The following CACNA2D3 variants were observed in gnomAD, a reference collection of about 807,000 sequenced individuals.
CACNA2D3 encodes calcium voltage-gated channel auxiliary subunit alpha2delta 3, also known as voltage-dependent calcium channel subunit alpha-2/delta-3.
CACNA2D3 carries 60 observed loss-of-function variants against 160.6 expected under a neutral mutation model. That is an observed-to-expected ratio of 0.37 (90% confidence interval 0.30 to 0.46). The LOEUF (loss-of-function observed/expected upper bound fraction) is 0.46. CACNA2D3 is among the 20% of genes least tolerant of loss of function. The pLI is 1.00. For missense variants in CACNA2D3, 1,205 were observed against 1,365.0 expected (o/e 0.88, Z 1.85); for synonymous variants, 558 against 492.9 (o/e 1.13, Z -1.75).
chr3:54,815,352 A>G (rs1703424871), intron 13 of CACNA2D3, among the ~76,000 whole-genome samples: 2 of 152,110 alleles, frequency 1.3e-5, no homozygotes. Flanking sequence ...GAGATCCAAA[A>G]CATCTTGTTT....
At chr3:54,515,909 T>G (rs909705714) in intron 5 of CACNA2D3, among the ~76,000 whole-genome samples, 1 of 152,218 alleles carries the variant, frequency 6.6e-6, no homozygotes, top group Admixed American at 6.5e-5. Context: ...CAGAGAACTT[T>G]CAAGAGGACT....
rs2694117 is a variant in CACNA2D3, at chr3:54,839,656, A to G, written c.1551+1008A>G. On this transcript the variant is annotated intron_variant, in intron 16 of 37. Coordinates refer to ENST00000474759, the MANE Select transcript of CACNA2D3 (RefSeq NM_018398.3). ...CAGGAATCAGGGATTATTGGCTGCCAGGGGCTTCTTTCTTGGCACCACCCT... is the reference window on the plus strand; with the variant it reads ...CAGGAATCAGGGATTATTGGCTGCCGGGGGCTTCTTTCTTGGCACCACCCT... 2.8e-3 allele frequency among the ~76,000 whole-genome samples: 419 copies of G among 152,292 alleles called. 1 individual carries two copies. Among genetic ancestry groups the G allele is most frequent in the African/African-American group, 8.5e-3 (352 of 41,568 alleles).
At chr3:54,996,549 C>A (rs1383035815) in intron 31 of CACNA2D3, among the ~76,000 whole-genome samples, 1 of 152,276 alleles carries the variant, frequency 6.6e-6, no homozygotes, top group Middle Eastern at 3.4e-3. Context: ...TTGTTGGTCT[C>A]CCCAGGGCCA....
At chr3:54,760,236 CT>C in intron 12 of CACNA2D3, among the ~76,000 whole-genome samples, 1 of 364 alleles carries the variant, frequency 2.7e-3, no homozygotes, top group African/African-American at 0.011. Flanking sequence ...CAGGGAGGGC[CT>C]CTCTGATCTG....
chr3:54,973,404 G>T (rs982070175), intron 29 of CACNA2D3, among the ~76,000 whole-genome samples: 1 of 152,196 alleles, frequency 6.6e-6, no homozygotes, highest in Non-Finnish European at 1.5e-5. Context: ...AGGTGAGAAG[G>T]TGTCTCCTAC....
chr3:54,166,227 T>C (rs1036788490), intron 2 of CACNA2D3, among the ~76,000 whole-genome samples: 1 of 152,228 alleles, frequency 6.6e-6, no homozygotes, highest in Admixed American at 6.5e-5. Flanking sequence ...TGGGGACTTT[T>C]CTTTTCCAGC....
chr3:55,030,157 T>G (rs3773557), intron 35 of CACNA2D3, among the ~76,000 whole-genome samples: 25,510 of 152,098 alleles, frequency 0.17, 2,398 homozygotes, highest in East Asian at 0.27. Flanking sequence ...CAAGTCAAAA[T>G]AGTTCCTGTC....
intron 5 of CACNA2D3, among the ~76,000 whole-genome samples, chr3:54,553,957 G>A (rs935258683): frequency 6.6e-6 from 1 of 152,208 alleles, no homozygotes; most frequent in African/African-American, 2.4e-5. Flanking sequence ...GCTACAAAAT[G>A]CATTGTTGGC....
intron 5 of CACNA2D3, among the ~76,000 whole-genome samples, chr3:54,545,471 C>T (rs1435255174): frequency 6.6e-6 from 1 of 152,166 alleles, no homozygotes; most frequent in Non-Finnish European, 1.5e-5. Flanking sequence ...TCCCCTTTTT[C>T]ATTGTTATTT....
At chr3:54,406,491 G>A (rs1404441653) in intron 4 of CACNA2D3, among the ~76,000 whole-genome samples, 1 of 152,052 alleles carries the variant, frequency 6.6e-6, no homozygotes, top group East Asian at 1.9e-4. Context: ...AAAGGAGGAG[G>A]TCTTAACATT....
intron 2 of CACNA2D3, among the ~76,000 whole-genome samples, chr3:54,187,524 G>T (rs1289778425): frequency 6.6e-6 from 1 of 152,124 alleles, no homozygotes; most frequent in Non-Finnish European, 1.5e-5. Context: ...GCACTGTGGG[G>T]TGTGGAGGAA....
At chr3:54,722,982 A>C (rs1027577442) in intron 11 of CACNA2D3, among the ~76,000 whole-genome samples, 1 of 152,186 alleles carries the variant, frequency 6.6e-6, no homozygotes, top group Non-Finnish European at 1.5e-5. Flanking sequence ...AGTCTGCTGA[A>C]GCTGCACCCA....
chr3:54,624,602 G>A (rs902330179), intron 9 of CACNA2D3, among the ~76,000 whole-genome samples: 4 of 152,180 alleles, frequency 2.6e-5, no homozygotes, highest in Non-Finnish European at 2.9e-5. Flanking sequence ...CAGCCTGGGC[G>A]ACAGAGCGAG....
intron 3 of CACNA2D3, among the ~76,000 whole-genome samples, chr3:54,330,340 T>G (rs1035087897): frequency 6.6e-5 from 10 of 151,908 alleles, no homozygotes; most frequent in African/African-American, 2.4e-4. Flanking sequence ...CGTGAGTGTG[T>G]TTGATGGGAT....
chr3:55,038,383 G>T (rs1421393779), intron 35 of CACNA2D3, among the ~76,000 whole-genome samples: 3 of 152,058 alleles, frequency 2.0e-5, no homozygotes, highest in Non-Finnish European at 4.4e-5. Context: ...AGCAGTTAGG[G>T]CCATGGAGCC....
intron 2 of CACNA2D3, among the ~76,000 whole-genome samples, chr3:54,248,481 C>CAAAAAAAAAAAA (rs577393882): frequency 4.5e-5 from 2 of 44,398 alleles, no homozygotes; most frequent in Admixed American, 2.4e-4. Flanking sequence ...AACTCCATCT[C>CAAAAAAAAAAAA]AAAAAAAAAA....
chr3:54,884,251 C>A (rs1699874894), intron 21 of CACNA2D3, among the ~76,000 whole-genome samples: 1 of 152,182 alleles, frequency 6.6e-6, no homozygotes, highest in Non-Finnish European at 1.5e-5. Context: ...ACTTGTATCT[C>A]ATGGTAGATA....
intron 4 of CACNA2D3, among the ~76,000 whole-genome samples, chr3:54,445,819 G>C (rs1301772057): frequency 6.6e-6 from 1 of 152,116 alleles, no homozygotes; most frequent in Non-Finnish European, 1.5e-5. Flanking sequence ...GTGCTTATGC[G>C]GTTACTTCCA....
At chr3:54,341,506 G>A (rs1698338617) in intron 3 of CACNA2D3, among the ~76,000 whole-genome samples, 1 of 152,142 alleles carries the variant, frequency 6.6e-6, no homozygotes, top group Admixed American at 6.5e-5. Context: ...GACCTGAAGG[G>A]GTCAGGAAGG....
Sources: allele counts gnomAD v4.1 joint callset (sites outside exome capture counted in the v4.1 genomes callset), GRCh38; gene constraint gnomAD v4.1.1; transcripts MANE v1.5; gene names NCBI Gene and HGNC (gene_info 2026-07-23, HGNC 2026-07-21).